The following ZNF783 variants were observed in gnomAD, a reference collection of about 807,000 sequenced individuals.
The protein encoded by ZNF783 is protein ZNF783.
A neutral mutation model predicts 31.3 loss-of-function variants in ZNF783; 25 were observed. The ratio of observed to expected loss-of-function variants is 0.80; its 90% CI spans 0.58 to 1.11. The LOEUF is 1.11. Among genes scored for constraint, ZNF783 ranks in the 50% most tolerant of loss-of-function variants. ZNF783 has a pLI of 0.00. For synonymous variants in ZNF783, 369 were observed against 319.1 expected (o/e 1.16, Z -1.66); for missense variants, 797 against 760.0 (o/e 1.05, Z -0.57).
At chr7:149,273,783 A>G (rs1028241289) in intron 4 of ZNF783, among the ~76,000 whole-genome samples, 11 of 152,234 alleles carry the variant, frequency 7.2e-5, no homozygotes, top group Middle Eastern at 3.4e-3. Context: ...GACTCGAGCA[A>G]TCTTCCTGCC....
At position 149,282,311 on chromosome 7, in the gene ZNF783, C is replaced by T. The variant is rs886550401; in HGVS notation, c.1609C>T (p.Leu537=). 3.9e-6 allele frequency: 6 copies of T among 1,555,634 alleles called. No individual in the cohort carries two copies. In the Admixed American group the frequency reaches 9.3e-5, roughly 24 times the overall value. ...CCCCGCCCGCCACGGGAGCCTGCCC[C>T]TGCCCTGGCCCAGCCGGAAGGAGGA... ...AAPARHGSLP[L]PWPSRKEEG Residue 537 remains leucine, a synonymous_variant, in exon 6 of 6, where the codon CTG becomes TTG. Transcript: ENST00000434415.
chr7:149,277,848 G>T (rs2129525119), intron 4 of ZNF783: 1 of 152,926 alleles, frequency 6.5e-6, no homozygotes, highest in African/African-American at 2.4e-5. Flanking sequence ...TAACAGCTGG[G>T]TTGGTTACGA....
chr7:149,278,514 C>T lies in ZNF783; in HGVS notation c.789C>T (p.Ala263=), dbSNP rs764041382. 85 of 1,599,140 alleles carry T rather than the reference C, an allele frequency of 5.3e-5. No homozygotes were observed. Among genetic ancestry groups the T allele is most frequent in the African/African-American group, 1.9e-4 (14 of 74,868 alleles). The change falls in exon 5 of 6, where the codon GCC becomes GCT. Residue 263 remains alanine (A), a synonymous_variant. Transcript: ENST00000434415. ...QQDSEARVAP[A]GPEAGGGVAI... ...ACTCAGAGGCGAGAGTGGCCCCAGC[C>T]GGGCCAGAAGCAGGTGAGTGAGGAC...
intron 4 of ZNF783, among the ~76,000 whole-genome samples, chr7:149,272,948 G>A (rs1797242240): frequency 6.7e-6 from 1 of 149,180 alleles, no homozygotes; most frequent in African/African-American, 2.5e-5. Context: ...CTGTCTCCAT[G>A]AGTTCAATTG....
At chr7:149,279,654 T>TA (rs766371655) in intron 5 of ZNF783, among the ~76,000 whole-genome samples, 10,747 of 127,886 alleles carry the variant, frequency 0.084, 565 homozygotes, top group East Asian at 0.19. Context: ...TTTTTTTTTT[T>TA]AATTTTTTTT....
chr7:149,278,662 G>A (rs891412915), intron 5 of ZNF783, 135 bp downstream of exon 5: 30 of 1,421,756 alleles, frequency 2.1e-5, no homozygotes, highest in African/African-American at 8.5e-5. Context: ...GGGCTGGGCC[G>A]GACAGGCTTT....
At position 149,282,483 on chromosome 7, in the gene ZNF783, G is replaced by T; in HGVS notation, c.*140G>T. The T allele has an allele frequency of 2.7e-6, 2 of 740,482 alleles. No homozygotes were observed. The highest frequency in any genetic ancestry group is 3.2e-5 in the Admixed American group (1 of 31,244). The allele number at this position is 740,482 out of a possible 1,614,324, so 45.9% of individuals were successfully genotyped here. A position where few individuals can be genotyped will look rare whatever the true frequency, so the allele number is the denominator to read the frequency against. ...AGCTAGCTGCCCTTCTGGTGACATT[G>T]TGTGTGACCGGGTGCTTTCTGTTTC... On this transcript the variant is annotated 3_prime_UTR_variant, in exon 6 of 6. Transcript: ENST00000434415.
intron 4 of ZNF783, among the ~76,000 whole-genome samples, chr7:149,271,277 G>T (rs569540573): frequency 3.3e-5 from 5 of 152,244 alleles, no homozygotes; most frequent in African/African-American, 4.8e-5. Flanking sequence ...TTTCCTTTTA[G>T]GTGGCAATCT....
chr7:149,281,624 A>G lies in ZNF783; in HGVS notation c.922A>G (p.Arg308Gly). 6.5e-7 allele frequency: 1 copy of G among 1,546,036 alleles called. No individual in the cohort carries two copies. Among genetic ancestry groups the G allele is most frequent in the Non-Finnish European group, 8.6e-7 (1 of 1,158,184 alleles). Residue 308 changes from arginine to glycine, a missense_variant, in exon 6 of 6, where the codon AGG becomes GGG. Coordinates refer to ENST00000434415, the MANE Select transcript of ZNF783 (RefSeq NM_001195220.2). ...ECRIPRGPRNRPGGPSRHQAQ... is the reference protein window; with the variant it reads ...ECRIPRGPRNGPGGPSRHQAQ... ...TAGAATCCCCCGAGGGCCCAGGAAC[A>G]GGCCTGGGGGCCCCAGCCGTCATCA...
chr7:149,275,023 C>A (rs1420417446), intron 4 of ZNF783, among the ~76,000 whole-genome samples: 1 of 152,184 alleles, frequency 6.6e-6, no homozygotes, highest in African/African-American at 2.4e-5. Flanking sequence ...TTCTTCCAAT[C>A]TATGAACATG....
chr7:149,265,169 A>G (rs1797035011), intron 1 of ZNF783, among the ~76,000 whole-genome samples: 1 of 152,220 alleles, frequency 6.6e-6, no homozygotes, highest in Admixed American at 6.5e-5. Flanking sequence ...ACCATGAAGG[A>G]TGAATGAAAT....
In ZNF783 at chr7:149,267,225, A is replaced by G; in HGVS notation, c.673+3A>G. The G allele has an allele frequency of 6.3e-7, 1 of 1,589,808 alleles. No homozygotes were observed. Among genetic ancestry groups the G allele is most frequent in the Non-Finnish European group, 8.5e-7 (1 of 1,175,266 alleles). On this transcript the variant is annotated splice_donor_region_variant and intron_variant, in intron 4 of 5. Transcript: ENST00000434415. ...ACGTCCAAGGATGATGGGCACTGGT[A>G]AGTATAGGAGCCAGATGTGGTTGGG...
intron 4 of ZNF783, among the ~76,000 whole-genome samples, chr7:149,268,664 A>G (rs186378308): frequency 1.2e-4 from 18 of 152,218 alleles, no homozygotes; most frequent in African/African-American, 4.3e-4. Context: ...ATGTGTGCTC[A>G]TTGTTTAGGT....
chr7:149,282,315 C>T lies in ZNF783; in HGVS notation c.1613C>T (p.Pro538Leu), dbSNP rs778251167. Reference sequence around the variant, plus strand: ...GCCCGCCACGGGAGCCTGCCCCTGCCCTGGCCCAGCCGGAAGGAGGAGGGC... The same window carrying T: ...GCCCGCCACGGGAGCCTGCCCCTGCTCTGGCCCAGCCGGAAGGAGGAGGGC... ...APARHGSLPL[P>L]WPSRKEEG The change falls in exon 6 of 6, where the codon CCC becomes CTC. Residue 538 changes from proline (P) to leucine (L), a missense_variant. By Grantham distance (98) the Pro-to-Leu change is moderately conservative. Coordinates refer to ENST00000434415, the MANE Select transcript of ZNF783 (RefSeq NM_001195220.2). 25 of 1,546,484 alleles carry T rather than the reference C, an allele frequency of 1.6e-5. No homozygotes were observed. Among genetic ancestry groups the T allele is most frequent in the Middle Eastern group, 1.7e-4 (1 of 5,928 alleles).
intron 1 of ZNF783, among the ~76,000 whole-genome samples, chr7:149,263,500 A>G (rs1796994056): frequency 6.6e-6 from 1 of 151,850 alleles, no homozygotes; most frequent in South Asian, 2.1e-4. Context: ...ATATCTATCT[A>G]TCTATCTGTC....
At chr7:149,277,192 T>A (rs528287252) in intron 4 of ZNF783, 4 of 152,242 alleles carry the variant, frequency 2.6e-5, no homozygotes, top group African/African-American at 9.6e-5. Flanking sequence ...TCTGGATGCT[T>A]AAGTTTAGGA....
intron 4 of ZNF783, among the ~76,000 whole-genome samples, chr7:149,277,596 C>T (rs546961672): frequency 1.3e-5 from 2 of 152,026 alleles, no homozygotes; most frequent in Admixed American, 1.3e-4. Flanking sequence ...AAAAATTAGC[C>T]GGGCATGGTA....
At chr7:149,281,374 C>A (rs1022249405) in intron 5 of ZNF783, 131 bp from the exon 6 acceptor site, 1 of 672,846 alleles carries the variant, frequency 1.5e-6, no homozygotes, top group Non-Finnish European at 2.2e-6. Context: ...TGAGCAGGAC[C>A]CCTGCAATGT....
At chr7:149,274,770 A>G (rs1034423973) in intron 4 of ZNF783, among the ~76,000 whole-genome samples, 2 of 152,112 alleles carry the variant, frequency 1.3e-5, no homozygotes, top group Admixed American at 1.3e-4. Context: ...GTCTTTTTTT[A>G]TGCCATTACC....
Sources: gnomAD v4.1 joint callset for allele counts (sites outside exome capture counted in the v4.1 genomes callset) on GRCh38, gnomAD v4.1.1 for gene constraint, MANE v1.5 for transcripts, NCBI Gene and HGNC (gene_info 2026-07-23, HGNC 2026-07-21) for gene names.